LYRM4: variants seen among roughly 807,000 people sequenced by gnomAD.
LYRM4 encodes the protein LYR motif containing 4, also known as LYR motif-containing protein 4.
In LYRM4, 9 loss-of-function variants were observed where a neutral mutation model predicts 11.7. That is an observed-to-expected ratio of 0.77 (90% CI 0.46 to 1.34). LYRM4 has a LOEUF of 1.34. LYRM4 is among the 40% of genes most tolerant of loss of function. The probability of loss-of-function intolerance (pLI) is 0.00; values close to 1 mark genes in which losing one functional copy is unlikely to be tolerated. For synonymous variants in LYRM4, 42 were observed against 40.4 expected, an observed-to-expected ratio of 1.04 and a Z score of -0.15; for missense variants, 133 against 112.5, an observed-to-expected ratio of 1.18 and a Z score of -0.82.
At chr6:5,243,148 C>T (rs1482591541) in intron 1 of LYRM4, among the ~76,000 whole-genome samples, 1 of 152,186 alleles carries the variant, frequency 6.6e-6, no homozygotes, top group Non-Finnish European at 1.5e-5. Flanking sequence ...AGGGCAAATG[C>T]TCAGTTCGTG....
chr6:5,148,369 G>A (rs1458165572), intron 2 of LYRM4: 2 of 129,440 alleles, frequency 1.5e-5, no homozygotes, highest in Non-Finnish European at 3.4e-5. Flanking sequence ...AGACCTTTAT[G>A]AGCCTCAAGG....
At chr6:5,118,119 T>TG (rs773226073) in intron 2 of LYRM4, among the ~76,000 whole-genome samples, 14,125 of 138,068 alleles carry the variant, frequency 0.1, 808 homozygotes, top group Middle Eastern at 0.15. Flanking sequence ...TGTTTTGTTT[T>TG]TTTTTTTGAG....
chr6:5,096,087 T>C, the LYRM4 span, among the ~76,000 whole-genome samples: 1 of 152,236 alleles, frequency 6.6e-6, no homozygotes, highest in Non-Finnish European at 1.5e-5. Context: ...ATTTTCATTG[T>C]GGAAAGCTGC....
rs1004739945 is a variant in LYRM4 at position 5,108,668 on chromosome 6, C to T, written c.*755G>A. 1 of 627,778 alleles carries T rather than the reference C, an allele frequency of 1.6e-6. No homozygotes were observed. The highest frequency in any genetic ancestry group is 2.0e-5 in the African/African-American group (1 of 50,032). The allele number at this position is 627,778 out of a possible 1,614,324, so 38.9% of individuals were successfully genotyped here. A position where few individuals can be genotyped will look rare whatever the true frequency, so the allele number is the denominator to read the frequency against. On this transcript the variant is annotated 3_prime_UTR_variant, in exon 3 of 3. Transcript: ENST00000330636. ...TGGGCACCGGTGCTGCCCAGCATGC[C>T]CCAGGCTTCAGGGTATGGGAGTCGC...
intron 2 of LYRM4, among the ~76,000 whole-genome samples, chr6:5,156,073 C>T (rs373719850): frequency 6.6e-6 from 1 of 152,218 alleles, no homozygotes; most frequent in East Asian, 1.9e-4. Context: ...CATCTGTCTT[C>T]TGGAGTGTTT....
chr6:5,184,787 C>T (rs1760285691), intron 2 of LYRM4, among the ~76,000 whole-genome samples: 1 of 152,114 alleles, frequency 6.6e-6, no homozygotes, highest in Non-Finnish European at 1.5e-5. Flanking sequence ...AAAGACAGTC[C>T]CTGATCTCCA....
intron 2 of LYRM4, among the ~76,000 whole-genome samples, chr6:5,203,414 T>C (rs923510426): frequency 6.6e-6 from 1 of 152,186 alleles, no homozygotes; most frequent in Non-Finnish European, 1.5e-5. Flanking sequence ...ATCTTCTGAA[T>C]TTGAGAACAC....
the LYRM4 span, chr6:5,085,913 C>A: frequency 6.5e-7 from 1 of 1,531,026 alleles, no homozygotes; most frequent in Non-Finnish European, 8.7e-7. Context: ...CTAAGCCTGG[C>A]CAGCGTGAAG....
intron 2 of LYRM4, among the ~76,000 whole-genome samples, chr6:5,174,644 C>T (rs1420192203): frequency 2.6e-5 from 4 of 152,150 alleles, no homozygotes. Flanking sequence ...TAAATCTTCT[C>T]TTGGTCACTG....
At chr6:5,227,174 G>T (rs2127737498) in intron 1 of LYRM4, among the ~76,000 whole-genome samples, 1 of 152,308 alleles carries the variant, frequency 6.6e-6, no homozygotes, top group Non-Finnish European at 1.5e-5. Flanking sequence ...GCTAAGGTGA[G>T]GAGGTTCAGA....
chr6:5,260,624 G>A, intron 1 of LYRM4, 24 bp downstream of exon 1: 1 of 665,532 alleles, frequency 1.5e-6, no homozygotes, highest in African/African-American at 2.4e-5. Context: ...CCCCGCCCCC[G>A]GCCCCCGGTG....
intron 2 of LYRM4, among the ~76,000 whole-genome samples, chr6:5,117,927 A>G (rs905611073): frequency 6.6e-6 from 1 of 151,980 alleles, no homozygotes; most frequent in Non-Finnish European, 1.5e-5. Flanking sequence ...TGACCCTCCA[A>G]AACGACGCAC....
At chr6:5,259,868 T>C (rs565271590) in intron 1 of LYRM4, among the ~76,000 whole-genome samples, 1 of 151,456 alleles carries the variant, frequency 6.6e-6, no homozygotes, top group African/African-American at 2.4e-5. Context: ...AAATGATGGG[T>C]CAGAACCAGC....
chr6:5,217,935 A>G (rs985439843), intron 1 of LYRM4, among the ~76,000 whole-genome samples: 11 of 151,844 alleles, frequency 7.2e-5, no homozygotes, highest in African/African-American at 2.7e-4. Flanking sequence ...TCTTTTTTAG[A>G]GATGGGGTGT....
At chr6:5,119,819 A>C (rs1169822889) in intron 2 of LYRM4, among the ~76,000 whole-genome samples, 1 of 151,190 alleles carries the variant, frequency 6.6e-6, no homozygotes, top group African/African-American at 2.4e-5. Context: ...AAAAAAAAAA[A>C]ACAACCACAA....
In LYRM4 at chr6:5,202,286, T is replaced by C. The variant is rs183639611; in HGVS notation, c.207+14332A>G. Among the ~76,000 whole-genome samples, 244 of 152,342 alleles carry C rather than the reference T, an allele frequency of 1.6e-3. 2 individuals carry two copies. Among genetic ancestry groups the C allele is most frequent in the African/African-American group, 5.4e-3 (226 of 41,570 alleles). On this transcript the variant is annotated intron_variant, in intron 2 of 2. Coordinates refer to ENST00000330636, the MANE Select transcript of LYRM4 (RefSeq NM_020408.6). ...ACAGGTAAAGGTGAGTAAATTGCAT[T>C]GTGTGAAGGGTTTGTGTGTCTACAA...
chr6:5,077,397 G>C, the LYRM4 span, among the ~76,000 whole-genome samples: 1 of 152,190 alleles, frequency 6.6e-6, no homozygotes, highest in Non-Finnish European at 1.5e-5. Flanking sequence ...CCTCCCAGAA[G>C]CTGAAAGACG....
At chr6:5,069,197 C>T in the LYRM4 span, among the ~76,000 whole-genome samples, 1 of 152,124 alleles carries the variant, frequency 6.6e-6, no homozygotes, top group Non-Finnish European at 1.5e-5. Context: ...GCATCTCAAA[C>T]ATTTTGTTCT....
At chr6:5,188,087 A>G (rs1760526036) in intron 2 of LYRM4, among the ~76,000 whole-genome samples, 1 of 152,210 alleles carries the variant, frequency 6.6e-6, no homozygotes, top group Non-Finnish European at 1.5e-5. Context: ...GGTGGCTCAC[A>G]CCTGTAATCC....
Sources: allele counts gnomAD v4.1 joint callset (sites outside exome capture counted in the v4.1 genomes callset), GRCh38; gene constraint gnomAD v4.1.1; transcripts MANE v1.5; gene names NCBI Gene and HGNC (gene_info 2026-07-23, HGNC 2026-07-21).